Variants in PPARD observed in about 807,000 individuals in gnomAD.
PPARD encodes the protein peroxisome proliferator-activated receptor delta.
A neutral mutation model predicts 39.5 loss-of-function variants in PPARD; 6 were observed. The observed-to-expected ratio is 0.15, with a 90% CI of 0.08 to 0.30. The LOEUF (loss-of-function observed/expected upper bound fraction) is 0.30, where lower values mean the gene tolerates loss of function less well. PPARD is among the 10% of genes least tolerant of loss of function. PPARD has a pLI of 1.00. For synonymous variants in PPARD, 210 were observed against 231.3 expected, an observed-to-expected ratio of 0.91 and a Z score of 0.83; for missense variants, 397 against 596.8, an observed-to-expected ratio of 0.67 and a Z score of 3.49.
chr6:35,384,322 T>C (rs1464379678), intron 2 of PPARD, among the ~76,000 whole-genome samples: 29 of 102,562 alleles, frequency 2.8e-4, no homozygotes, highest in East Asian at 6.9e-4. Context: ...GGCGTCAGCC[T>C]CCCGCCCGGC....
chr6:35,421,945 C>G lies in PPARD; in HGVS notation c.411C>G (p.Gly137=), dbSNP rs1766199161. 1 of 1,611,782 alleles carries G rather than the reference C, an allele frequency of 6.2e-7. No individual in the cohort carries two copies. The highest frequency in any genetic ancestry group is 1.3e-5 in the African/African-American group (1 of 74,866). ...YCRFQKCLAL[G]MSHNAIRFGR... ...GCTTCCAGAAGTGCCTGGCACTGGG[C>G]ATGTCACACAACGGTGAGAGCTGAC... The change falls in exon 5 of 8, where the codon GGC becomes GGG. Residue 137 remains glycine (G), a synonymous_variant. Transcript: ENST00000360694.
intron 2 of PPARD, among the ~76,000 whole-genome samples, chr6:35,380,792 C>T (rs1763113456): frequency 6.6e-6 from 1 of 152,158 alleles, no homozygotes; most frequent in Non-Finnish European, 1.5e-5. Flanking sequence ...CTGCACCCAA[C>T]CAGTTACCTC....
rs199964529 is a variant in PPARD at position 35,420,299 on chromosome 6, C to T, written c.285+18C>T. On this transcript the variant is annotated intron_variant, in intron 4 of 7. Coordinates refer to ENST00000360694, the MANE Select transcript of PPARD (RefSeq NM_006238.5). Reference sequence around the variant, plus strand: ...GGTGCAAGGTACGGACTGGGGGGAGCGGTGGCTGGCCACTGAGGCTGTGGT... The same window carrying T: ...GGTGCAAGGTACGGACTGGGGGGAGTGGTGGCTGGCCACTGAGGCTGTGGT... 11 of 1,523,438 alleles carry T rather than the reference C, an allele frequency of 7.2e-6. No individual in the cohort carries two copies. The highest frequency in any genetic ancestry group is 2.4e-5 in the East Asian group (1 of 41,154). 94.4% of individuals were successfully genotyped at this position (1,523,438 alleles called of 1,614,324 possible). A position where few individuals can be genotyped will look rare whatever the true frequency, so the allele number is the denominator to read the frequency against.
At chr6:35,394,327 G>A (rs1199181335) in intron 2 of PPARD, among the ~76,000 whole-genome samples, 2 of 152,246 alleles carry the variant, frequency 1.3e-5, no homozygotes, top group African/African-American at 2.4e-5. Context: ...CATCTGCAGA[G>A]AATTCCATGA....
At chr6:35,423,582 TC>T (rs1766354140) in intron 5 of PPARD, among the ~76,000 whole-genome samples, 3 of 151,576 alleles carry the variant, frequency 2.0e-5, no homozygotes, top group Admixed American at 2.0e-4. Flanking sequence ...CTGCCCCAAG[TC>T]ACAAAGCTAG....
intron 3 of PPARD, among the ~76,000 whole-genome samples, chr6:35,415,943 T>C (rs1765730707): frequency 6.6e-6 from 1 of 152,174 alleles, no homozygotes. Context: ...GGAGGCAGAA[T>C]TTCCTGTTCC....
intron 2 of PPARD, among the ~76,000 whole-genome samples, chr6:35,384,999 C>G (rs1337564733): frequency 7.1e-6 from 1 of 141,562 alleles, no homozygotes; most frequent in Non-Finnish European, 1.5e-5. Context: ...CCGCCCCGTC[C>G]GGGAGGGAGG....
chr6:35,373,575 T>A (rs1218119256), intron 2 of PPARD, among the ~76,000 whole-genome samples: 1 of 152,344 alleles, frequency 6.6e-6, no homozygotes, highest in East Asian at 1.9e-4. Flanking sequence ...ACTCCATAGC[T>A]GTTGGTACGT....
At chr6:35,365,377 T>C (rs983636993) in intron 2 of PPARD, among the ~76,000 whole-genome samples, 1 of 150,666 alleles carries the variant, frequency 6.6e-6, no homozygotes, top group African/African-American at 2.5e-5. Context: ...CCTGACCTCA[T>C]GATCCGCCCG....
chr6:35,391,383 A>C (rs1464814769), intron 2 of PPARD, among the ~76,000 whole-genome samples: 1 of 152,210 alleles, frequency 6.6e-6, no homozygotes, highest in African/African-American at 2.4e-5. Context: ...TAGATTGTCC[A>C]CATTCCATAT....
chr6:35,383,977 C>T (rs1489680810), intron 2 of PPARD, among the ~76,000 whole-genome samples: 34 of 134,088 alleles, frequency 2.5e-4, no homozygotes, highest in Admixed American at 1.2e-3. Context: ...CAGCCCCATC[C>T]GGGAGGGAGG....
At chr6:35,351,967 C>G (rs1170986712) in intron 2 of PPARD, among the ~76,000 whole-genome samples, 1 of 148,752 alleles carries the variant, frequency 6.7e-6, no homozygotes, top group East Asian at 2.0e-4. Context: ...CTTCCAGGCT[C>G]AAGTGATCCT....
rs1766528165 is a variant in PPARD at position 35,425,753 on chromosome 6, G to A, written c.1079-79G>A. ...GCCAAGGAGGCCTGCCGTCCCCTGG[G>A]CCAAGTCACCTCTTGGGGTGGAAGT... On this transcript the variant is annotated intron_variant, in intron 7 of 7. Coordinates refer to ENST00000360694, the MANE Select transcript of PPARD (RefSeq NM_006238.5). The surrounding 1 kb of genome is among the most constrained non-coding windows in gnomAD (Gnocchi z 4.5). 2 of 1,568,680 alleles carry A rather than the reference G, an allele frequency of 1.3e-6. No individual in the cohort carries two copies. The highest frequency in any genetic ancestry group is 1.2e-5 in the South Asian group (1 of 84,456).
At chr6:35,375,209 GTTTTTTTT>G (rs558275286) in intron 2 of PPARD, among the ~76,000 whole-genome samples, 6 of 59,208 alleles carry the variant, frequency 1.0e-4, no homozygotes, top group African/African-American at 2.8e-4. Context: ...CTCCTTCCGA[GTTTTTTTT>G]TTTTTTTTTT....
Position 35,416,987 on chromosome 6 carries a change from A to T in PPARD, c.131-3140A>T, listed in dbSNP as rs766532138. Among the ~76,000 whole-genome samples the T allele has an allele frequency of 3.3e-4, 48 of 145,874 alleles. 1 individual carries two copies. Among genetic ancestry groups the T allele is most frequent in the Non-Finnish European group, 5.6e-4 (37 of 66,106 alleles). On this transcript the variant is annotated intron_variant, in intron 3 of 7. Transcript: ENST00000360694. ...TTCTTGTTTATTTATTTGTTTATTTATTTTTTTGAGACAAGGTCTTGTTCT... is the reference window on the plus strand; with the variant it reads ...TTCTTGTTTATTTATTTGTTTATTTTTTTTTTTGAGACAAGGTCTTGTTCT...
At chr6:35,346,088 T>A (rs1042905674) in intron 1 of PPARD, among the ~76,000 whole-genome samples, 12 of 151,880 alleles carry the variant, frequency 7.9e-5, no homozygotes, top group African/African-American at 2.7e-4. Flanking sequence ...ACCGTGTTAG[T>A]CGAGATGGTC....
chr6:35,410,258 T>C (rs1361150223), intron 2 of PPARD, among the ~76,000 whole-genome samples: 2 of 152,206 alleles, frequency 1.3e-5, no homozygotes, highest in African/African-American at 4.8e-5. Flanking sequence ...CCACAGTACC[T>C]CATGATCTTA....
chr6:35,346,717 A>C (rs1792204692), intron 1 of PPARD, among the ~76,000 whole-genome samples: 1 of 152,164 alleles, frequency 6.6e-6, no homozygotes, highest in Admixed American at 6.5e-5. Context: ...ACTCCAGTTC[A>C]TTCTGCAGGG....
At chr6:35,364,182 C>T in intron 2 of PPARD, among the ~76,000 whole-genome samples, 1 of 152,054 alleles carries the variant, frequency 6.6e-6, no homozygotes, top group Non-Finnish European at 1.5e-5. Flanking sequence ...AACAATTTCA[C>T]TTAGCATGTT....
Sources: allele counts gnomAD v4.1 joint callset (sites outside exome capture counted in the v4.1 genomes callset), GRCh38; gene constraint gnomAD v4.1.1; non-coding constraint Gnocchi (gnomAD v3.1); transcripts MANE v1.5; gene names NCBI Gene and HGNC (gene_info 2026-07-23, HGNC 2026-07-21).